Variants in KLHL25 observed in about 807,000 individuals in gnomAD.
KLHL25 encodes kelch like family member 25, also known as kelch-like protein 25.
Under a neutral mutation model 30.0 loss-of-function variants are expected in KLHL25, and 41 were observed. That is an observed-to-expected ratio of 1.37 (90% CI 1.07 to 1.78). The LOEUF (loss-of-function observed/expected upper bound fraction) is 1.78. Ranked by LOEUF, KLHL25 falls within the 40% of genes most tolerant of loss-of-function variation. The pLI is 0.00. For missense variants in KLHL25, 971 were observed against 824.5 expected (o/e 1.18, Z -2.18); for synonymous variants, 399 against 355.3 (o/e 1.12, Z -1.38).
intron 1 of KLHL25, among the ~76,000 whole-genome samples, chr15:85,785,906 C>T (rs1160255934): frequency 2.0e-5 from 3 of 152,200 alleles, no homozygotes; most frequent in Non-Finnish European, 2.9e-5. Flanking sequence ...CAGCGAAATG[C>T]CTTCAAGCTG....
chr15:85,772,169 C>T (rs1368500227), intron 1 of KLHL25, among the ~76,000 whole-genome samples: 2 of 152,198 alleles, frequency 1.3e-5, no homozygotes, highest in Non-Finnish European at 2.9e-5. Flanking sequence ...TTTGTTGCCT[C>T]TGGTCTGCAG....
rs1471329170 is a variant in KLHL25, at chr15:85,768,260, C to T, written c.1551G>A (p.Gln517=). The change falls in exon 2 of 3, where the codon CAG becomes CAA. Residue 517 remains glutamine (Q), a synonymous_variant. Transcript: ENST00000337975. ...SAYRFDCETN[Q]WTRIGDMTAK... ...CAGTCATGTCCCCAATCCGCGTCCA[C>T]TGGTTGGTCTCACAGTCAAAGCGGT... is the stretch of plus-strand genomic sequence containing the variant. 1.2e-6 allele frequency: 2 copies of T among 1,614,190 alleles called. No homozygotes were observed. The highest frequency in any genetic ancestry group is 8.5e-7 in the Non-Finnish European group (1 of 1,180,044).
chr15:85,794,027 T>C (rs1264438558), intron 1 of KLHL25, among the ~76,000 whole-genome samples: 2 of 152,154 alleles, frequency 1.3e-5, no homozygotes, highest in East Asian at 1.9e-4. Flanking sequence ...GAAAAGCTTC[T>C]AAAGCAACTA....
chr15:85,764,980 T>G (rs919750235), intron 2 of KLHL25, among the ~76,000 whole-genome samples: 1 of 152,208 alleles, frequency 6.6e-6, no homozygotes, highest in African/African-American at 2.4e-5. Context: ...ATCAGAGCAA[T>G]TCCTGGGAGA....
chr15:85,768,649 TCTC>T lies in KLHL25; in HGVS notation c.1159_1161del (p.Glu387del). Reference sequence around the variant, plus strand: ...TGTCCCCCCACCACATAGAGGCAGTTCTCCAGCTCAGCTGAGCCATGGCCAAAG... The same window carrying T: ...TGTCCCCCCACCACATAGAGGCAGTTCAGCTCAGCTGAGCCATGGCCAAAG... On this transcript the variant is annotated inframe_deletion, in exon 2 of 3. Coordinates refer to ENST00000337975, the MANE Select transcript of KLHL25 (RefSeq NM_022480.4). The T allele has an allele frequency of 6.2e-7, 1 of 1,613,118 alleles. No homozygotes were observed. Among genetic ancestry groups the T allele is most frequent in the Non-Finnish European group, 8.5e-7 (1 of 1,179,496 alleles).
intron 1 of KLHL25, among the ~76,000 whole-genome samples, chr15:85,790,992 G>A (rs1050270823): frequency 6.6e-6 from 1 of 151,738 alleles, no homozygotes; most frequent in Non-Finnish European, 1.5e-5. Context: ...ACGAGGTCAG[G>A]AGTTCAAGAC....
chr15:85,784,899 C>T lies in KLHL25; in HGVS notation c.-11+9867G>A, dbSNP rs187522175. On this transcript the variant is annotated intron_variant, in intron 1 of 2. Coordinates refer to ENST00000337975, the MANE Select transcript of KLHL25 (RefSeq NM_022480.4). ...ATTAATCAATAGGAACTGATTAAGC[C>T]ACTAAGCCTGTGATGATGTGTTATG... Among the ~76,000 whole-genome samples, 499 of 152,234 alleles carry T rather than the reference C, an allele frequency of 3.3e-3. 4 individuals are homozygous for T. The highest frequency in any genetic ancestry group is 0.019 in the South Asian group (92 of 4,818).
chr15:85,769,271 C>T lies in KLHL25; in HGVS notation c.540G>A (p.Arg180=). 2.5e-6 allele frequency: 4 copies of T among 1,613,958 alleles called. No individual in the cohort carries two copies. Among genetic ancestry groups the T allele is most frequent in the Non-Finnish European group, 2.5e-6 (3 of 1,180,050 alleles). The change falls in exon 2 of 3, where the codon AGG becomes AGA. Residue 180 remains arginine (R), a synonymous_variant. Transcript: ENST00000337975. ...ACAGGCTGTTGAAGTCCTCGCTCTG[C>T]CTCACCGTCTCAAAGTGCACCAGGC... The part of the protein sequence containing the change: ...RMCLVHFETV[R]QSEDFNSLSK...
At chr15:85,779,760 G>C (rs117311562) in intron 1 of KLHL25, among the ~76,000 whole-genome samples, 1,891 of 152,288 alleles carry the variant, frequency 0.012, 124 homozygotes, top group Admixed American at 0.11. Context: ...CAGCCTTCTG[G>C]AGCCCTCAGG....
rs538463857 is a variant in KLHL25 at position 85,769,473 on chromosome 15, T to C, written c.338A>G (p.Asn113Ser). 4 of 1,613,936 alleles carry C rather than the reference T, an allele frequency of 2.5e-6. No individual in the cohort carries two copies. Among genetic ancestry groups the C allele is most frequent in the Admixed American group, 3.3e-5 (2 of 60,004 alleles). ...CAGCAGTGACTCAGCGTTCTCCTCGTTGATGGCGATGCGTGAGGAGTAGGC... is the reference window on the plus strand; with the variant it reads ...CAGCAGTGACTCAGCGTTCTCCTCGCTGATGGCGATGCGTGAGGAGTAGGC... ...DFAYSSRIAI[N>S]EENAESLLEA... Residue 113 changes from asparagine to serine, a missense_variant, in exon 2 of 3, where the codon AAC becomes AGC. Coordinates refer to ENST00000337975, the MANE Select transcript of KLHL25 (RefSeq NM_022480.4).
intron 2 of KLHL25, chr15:85,763,023 G>GC (rs11370266): frequency 0.081 from 12,326 of 152,334 alleles, 854 homozygotes; most frequent in East Asian, 0.37. Context: ...GCATTCGGCA[G>GC]CCCCCCCATG....
intron 1 of KLHL25, among the ~76,000 whole-genome samples, chr15:85,794,459 C>T (rs776453022): frequency 2.0e-5 from 3 of 152,254 alleles, no homozygotes; most frequent in Non-Finnish European, 4.4e-5. Flanking sequence ...AATGAATCAA[C>T]CACTCCCTGG....
intron 1 of KLHL25, among the ~76,000 whole-genome samples, chr15:85,785,981 G>C (rs1033385151): frequency 9.8e-6 from 1 of 102,352 alleles, no homozygotes; most frequent in East Asian, 3.2e-4. Flanking sequence ...CGCCCCAGGA[G>C]GACCCATGCA....
intron 1 of KLHL25, among the ~76,000 whole-genome samples, chr15:85,777,862 G>C (rs1472416434): frequency 6.6e-6 from 1 of 152,186 alleles, no homozygotes; most frequent in African/African-American, 2.4e-5. Flanking sequence ...CTAAAAATCA[G>C]CAGGGGATTC....
intron 2 of KLHL25, chr15:85,763,467 C>A (rs2089597454): frequency 1.3e-5 from 2 of 152,340 alleles, no homozygotes; most frequent in Admixed American, 6.5e-5. Flanking sequence ...GGGCGCCCTC[C>A]AACAGCAGGA....
intron 1 of KLHL25, among the ~76,000 whole-genome samples, chr15:85,773,976 C>CAGAA (rs1484886676): frequency 6.6e-6 from 1 of 152,116 alleles, no homozygotes; most frequent in East Asian, 1.9e-4. Context: ...ATCTAGCAAC[C>CAGAA]AGAAGAATGG....
chr15:85,777,465 C>T (rs1055783316), intron 1 of KLHL25, among the ~76,000 whole-genome samples: 2 of 152,202 alleles, frequency 1.3e-5, no homozygotes, highest in Non-Finnish European at 2.9e-5. Flanking sequence ...TGGCCCTACC[C>T]GTCAGCCTGC....
chr15:85,764,305 T>A (rs2089603965), intron 2 of KLHL25: 1 of 152,222 alleles, frequency 6.6e-6, no homozygotes, highest in South Asian at 2.1e-4. Context: ...AGGGTCATAG[T>A]GAGGGGACAG....
At chr15:85,772,855 G>T (rs2089686267) in intron 1 of KLHL25, among the ~76,000 whole-genome samples, 1 of 152,246 alleles carries the variant, frequency 6.6e-6, no homozygotes, top group African/African-American at 2.4e-5. Context: ...GCAGATGCTG[G>T]CAACTCATGT....
Sources: allele counts gnomAD v4.1 joint callset (sites outside exome capture counted in the v4.1 genomes callset), GRCh38; gene constraint gnomAD v4.1.1; transcripts MANE v1.5; gene names NCBI Gene and HGNC (gene_info 2026-07-23, HGNC 2026-07-21).